The following CYYR1 variants were observed in gnomAD, a reference collection of about 807,000 sequenced individuals.
CYYR1 encodes cysteine and tyrosine rich 1.
In CYYR1, 14 loss-of-function variants were observed where a neutral mutation model predicts 15.2. The observed-to-expected ratio is 0.92, with a 90% CI of 0.61 to 1.44. CYYR1 has a LOEUF of 1.44. CYYR1 is among the 40% of genes most tolerant of loss of function. CYYR1 has a pLI of 0.00. For missense variants in CYYR1, 228 were observed against 209.5 expected (o/e 1.09, Z -0.54); for synonymous variants, 80 against 77.4 (o/e 1.03, Z -0.18).
chr21:26,540,685 A>C (rs1184369911), intron 2 of CYYR1, among the ~76,000 whole-genome samples: 2 of 152,150 alleles, frequency 1.3e-5, no homozygotes, highest in African/African-American at 4.8e-5. Flanking sequence ...TACAAATAAA[A>C]ATCAACATTC....
At position 26,519,767 on chromosome 21, in the gene CYYR1, C is replaced by A. The variant is rs1391790851; in HGVS notation, c.177-39338G>T. ...GTGAGGCTGTAGAGAAATAAGAATG[C>A]TTTTACACTGTTGGTGGGGATGTAA... On this transcript the variant is annotated intron_variant, in intron 2 of 3. Transcript: ENST00000652641. Among the ~76,000 whole-genome samples, 3 of 152,080 alleles carry A rather than the reference C, an allele frequency of 2.0e-5. No homozygotes were observed. In the East Asian group the frequency reaches 5.8e-4, roughly 29 times the overall value.
chr21:26,564,068 A>G (rs1417162423), intron 2 of CYYR1, among the ~76,000 whole-genome samples: 2 of 152,144 alleles, frequency 1.3e-5, no homozygotes, highest in African/African-American at 2.4e-5. Context: ...AAAAGAGGAA[A>G]CATCATTTAT....
chr21:26,471,864 G>A (rs2065037520), intron 3 of CYYR1, among the ~76,000 whole-genome samples: 1 of 152,024 alleles, frequency 6.6e-6, no homozygotes, highest in African/African-American at 2.4e-5. Flanking sequence ...AGGGTAAATA[G>A]GCCATTTATC....
intron 2 of CYYR1, among the ~76,000 whole-genome samples, chr21:26,486,595 T>G (rs150472814): frequency 6.0e-4 from 91 of 152,124 alleles, no homozygotes; most frequent in African/African-American, 2.2e-3. Flanking sequence ...TGTGCAGGAC[T>G]GTTTCTAGGT....
intron 2 of CYYR1, among the ~76,000 whole-genome samples, chr21:26,502,405 T>A (rs2065493856): frequency 6.6e-6 from 1 of 151,920 alleles, no homozygotes; most frequent in Non-Finnish European, 1.5e-5. Context: ...CACAGCAAAT[T>A]TGACAGGAAG....
intron 2 of CYYR1, among the ~76,000 whole-genome samples, chr21:26,535,984 T>G (rs141463445): frequency 2.0e-5 from 3 of 152,242 alleles, no homozygotes; most frequent in African/African-American, 7.2e-5. Flanking sequence ...AAAAGAAGTT[T>G]AATTGACTCA....
chr21:26,526,498 A>T (rs951638248), intron 2 of CYYR1, among the ~76,000 whole-genome samples: 2 of 152,186 alleles, frequency 1.3e-5, no homozygotes, highest in Non-Finnish European at 2.9e-5. Context: ...ACCATTTTAC[A>T]AAAGTTCCAT....
chr21:26,572,022 A>G (rs1362671800), intron 1 of CYYR1, among the ~76,000 whole-genome samples: 1 of 152,222 alleles, frequency 6.6e-6, no homozygotes, highest in African/African-American at 2.4e-5. Flanking sequence ...TTTGAGTATC[A>G]AAGGTAAATT....
intron 2 of CYYR1, among the ~76,000 whole-genome samples, chr21:26,517,189 C>T (rs967404649): frequency 2.3e-5 from 3 of 130,978 alleles, no homozygotes; most frequent in African/African-American, 8.7e-5. Flanking sequence ...TGACTATAAT[C>T]AAGGTTAAAA....
intron 2 of CYYR1, among the ~76,000 whole-genome samples, chr21:26,512,463 A>G (rs1487828358): frequency 6.6e-6 from 1 of 152,170 alleles, no homozygotes; most frequent in Non-Finnish European, 1.5e-5. Context: ...TTGGCCCCCA[A>G]AGTGCTGGGA....
chr21:26,529,946 C>T (rs1194891948), intron 2 of CYYR1, among the ~76,000 whole-genome samples: 1 of 152,172 alleles, frequency 6.6e-6, no homozygotes, highest in Non-Finnish European at 1.5e-5. Context: ...CCCATCTTTT[C>T]TAGTGACAAT....
intron 2 of CYYR1, among the ~76,000 whole-genome samples, chr21:26,497,426 T>TA (rs1302568993): frequency 6.6e-6 from 1 of 152,192 alleles, no homozygotes; most frequent in Non-Finnish European, 1.5e-5. Context: ...AGGTCATTTT[T>TA]AAAAAGCAAA....
chr21:26,527,118 C>T (rs1048498180), intron 2 of CYYR1, among the ~76,000 whole-genome samples: 1 of 152,112 alleles, frequency 6.6e-6, no homozygotes, highest in Non-Finnish European at 1.5e-5. Flanking sequence ...CTGGGCTATC[C>T]CACGTAACTC....
intron 2 of CYYR1, among the ~76,000 whole-genome samples, chr21:26,521,948 G>C (rs146204192): frequency 3.3e-5 from 5 of 152,258 alleles, no homozygotes; most frequent in African/African-American, 9.6e-5. Flanking sequence ...AAGGACCTGT[G>C]GTGGTATGGA....
intron 2 of CYYR1, among the ~76,000 whole-genome samples, chr21:26,553,710 T>C (rs1358163195): frequency 6.6e-6 from 1 of 152,164 alleles, no homozygotes. Context: ...ACGCTCTCCA[T>C]AGTTATGCTC....
chr21:26,571,677 T>G (rs1981017143), intron 1 of CYYR1, among the ~76,000 whole-genome samples: 1 of 152,252 alleles, frequency 6.6e-6, no homozygotes, highest in South Asian at 2.1e-4. Context: ...ATTAATGCAG[T>G]TGACTCTGTT....
intron 2 of CYYR1, among the ~76,000 whole-genome samples, chr21:26,508,088 C>A (rs1253669864): frequency 6.6e-6 from 1 of 152,086 alleles, no homozygotes; most frequent in East Asian, 1.9e-4. Flanking sequence ...AGGCTGAAAG[C>A]AAGAGAAAGT....
intron 3 of CYYR1, among the ~76,000 whole-genome samples, chr21:26,479,945 A>G (rs2065152164): frequency 6.6e-6 from 1 of 152,226 alleles, no homozygotes; most frequent in Non-Finnish European, 1.5e-5. Flanking sequence ...GACATACATT[A>G]TACTTTATAA....
chr21:26,533,002 T>C (rs1017257759), intron 2 of CYYR1, among the ~76,000 whole-genome samples: 1 of 151,814 alleles, frequency 6.6e-6, no homozygotes, highest in African/African-American at 2.4e-5. Flanking sequence ...TCTTATTATG[T>C]ATATGCAAAT....
Sources: allele counts gnomAD v4.1 joint callset (sites outside exome capture counted in the v4.1 genomes callset), GRCh38; gene constraint gnomAD v4.1.1; transcripts MANE v1.5; gene names NCBI Gene and HGNC (gene_info 2026-07-23, HGNC 2026-07-21).